CARM1: variants seen among roughly 807,000 people sequenced by gnomAD.
CARM1 encodes histone-arginine methyltransferase CARM1.
A neutral mutation model predicts 72.7 loss-of-function variants in CARM1; 14 were observed. That is an observed-to-expected ratio of 0.19 (90% CI 0.13 to 0.30). The LOEUF is 0.30. Among genes scored for constraint, CARM1 ranks in the 10% least tolerant of loss-of-function variants. The probability of loss-of-function intolerance (pLI) is 1.00; values close to 1 mark genes in which losing one functional copy is unlikely to be tolerated. For missense variants in CARM1, 432 were observed against 833.7 expected (o/e 0.52, Z 5.93); for synonymous variants, 333 against 345.5 (o/e 0.96, Z 0.40).
chr19:10,909,889 T>G (rs1385525853), intron 4 of CARM1, among the ~76,000 whole-genome samples: 2 of 152,228 alleles, frequency 1.3e-5, no homozygotes, highest in East Asian at 3.8e-4. Context: ...GGTCTCTTCT[T>G]CAAGATTTTT....
At chr19:10,895,009 T>C (rs1438412434) in intron 1 of CARM1, among the ~76,000 whole-genome samples, 2 of 152,054 alleles carry the variant, frequency 1.3e-5, no homozygotes, top group African/African-American at 4.8e-5. Flanking sequence ...CTTTCCAAAG[T>C]GTTAGGATTA....
At chr19:10,894,561 TACTCCCCCGCCCCAG>T (rs1294587700) in intron 1 of CARM1, among the ~76,000 whole-genome samples, 2 of 152,152 alleles carry the variant, frequency 1.3e-5, no homozygotes, top group Non-Finnish European at 2.9e-5. Context: ...AGCTACCAGC[TACTCCCCCGCCCCAG>T]GTTTGCCGAG....
chr19:10,922,570 C>G lies in CARM1; in HGVS notation c.*813C>G, dbSNP rs568019879. 10 of 150,762 alleles carry G rather than the reference C, an allele frequency of 6.6e-5. No individual in the cohort carries two copies. Among genetic ancestry groups the G allele is most frequent in the Admixed American group, 2.7e-4 (4 of 14,820 alleles). 9.3% of individuals were successfully genotyped at this position (150,762 alleles called of 1,614,324 possible). On this transcript the variant is annotated 3_prime_UTR_variant, in exon 16 of 16. Coordinates refer to ENST00000327064, the MANE Select transcript of CARM1 (RefSeq NM_199141.2). ...GGGCAGACACAGACACCTCAAGGAT[C>G]TGTCACGGAAGGCGTCCTTTTTCCT...
intron 1 of CARM1, among the ~76,000 whole-genome samples, chr19:10,876,420 G>A (rs1221292560): frequency 6.6e-6 from 1 of 152,206 alleles, no homozygotes; most frequent in Non-Finnish European, 1.5e-5. Context: ...TATGCTCCAG[G>A]GCTGCCCCGC....
At chr19:10,901,495 T>C in intron 1 of CARM1, among the ~76,000 whole-genome samples, 1 of 152,092 alleles carries the variant, frequency 6.6e-6, no homozygotes. Flanking sequence ...TTTGTTTATT[T>C]TTTTGTAGCG....
chr19:10,914,188 G>A (rs969602011), intron 6 of CARM1, 134 bp downstream of exon 6: 10 of 896,912 alleles, frequency 1.1e-5, no homozygotes, highest in African/African-American at 3.5e-5. Context: ...CTTTTCCCCC[G>A]CTCCCACCCC....
At chr19:10,874,677 C>CCACCG (rs2073849583) in intron 1 of CARM1, among the ~76,000 whole-genome samples, 2 of 152,178 alleles carry the variant, frequency 1.3e-5, no homozygotes, top group Admixed American at 1.3e-4. Flanking sequence ...CAGGCATGAG[C>CCACCG]CACCGCACCG....
chr19:10,918,262 C>T (rs1489303725), intron 8 of CARM1, among the ~76,000 whole-genome samples: 1 of 152,102 alleles, frequency 6.6e-6, no homozygotes, highest in Non-Finnish European at 1.5e-5. Context: ...ACTCTGTTCC[C>T]CAGGCTGGAG....
rs1255426246 is a variant in CARM1 at position 10,920,183 on chromosome 19, A to G, written c.1196+217A>G. On this transcript the variant is annotated intron_variant, in intron 10 of 15. Transcript: ENST00000327064. This position sits in a 1 kb window ranked among gnomAD's most constrained non-coding sequence, Gnocchi z 5.3. ...CCTGTGTTCCCAGTGTCTGTCCCTCATGGGTCTGTGTCTGTCTCTTGGCAC... is the reference window on the plus strand; with the variant it reads ...CCTGTGTTCCCAGTGTCTGTCCCTCGTGGGTCTGTGTCTGTCTCTTGGCAC... Among the ~76,000 whole-genome samples, 1 of 150,614 alleles carries G rather than the reference A, an allele frequency of 6.6e-6. No homozygotes were observed. The highest frequency in any genetic ancestry group is 1.5e-5 in the Non-Finnish European group (1 of 67,644).
intron 5 of CARM1, 63 bp from the exon 6 acceptor site, chr19:10,913,814 G>A (rs1435274569): frequency 3.9e-6 from 6 of 1,534,430 alleles, no homozygotes; most frequent in Non-Finnish European, 5.3e-6. Context: ...TTGAGAGCAG[G>A]TCTAGGGAGG....
chr19:10,914,841 C>T (rs1259190013), intron 6 of CARM1, among the ~76,000 whole-genome samples: 1 of 152,214 alleles, frequency 6.6e-6, no homozygotes, highest in Non-Finnish European at 1.5e-5. Context: ...TAGGCATGAG[C>T]CACTGTGCCT....
Position 10,920,957 on chromosome 19 carries a change from C to A in CARM1, c.1537+11C>A. 6.2e-7 allele frequency: 1 copy of A among 1,613,520 alleles called. No homozygotes were observed. Among genetic ancestry groups the A allele is most frequent in the South Asian group, 1.1e-5 (1 of 91,074 alleles). On this transcript the variant is annotated intron_variant, in intron 13 of 15. Coordinates refer to ENST00000327064, the MANE Select transcript of CARM1 (RefSeq NM_199141.2). This position sits in a 1 kb window ranked among gnomAD's most constrained non-coding sequence, Gnocchi z 5.3. Reference sequence around the variant, plus strand: ...GGATGGCCGTGGCAGGTGAGCAGGGCCCACCCCAATGCCCAGCCAACCCGG... The same window carrying A: ...GGATGGCCGTGGCAGGTGAGCAGGGACCACCCCAATGCCCAGCCAACCCGG...
intron 1 of CARM1, among the ~76,000 whole-genome samples, chr19:10,874,451 G>A (rs1247004279): frequency 1.3e-5 from 2 of 151,262 alleles, no homozygotes; most frequent in African/African-American, 2.4e-5. Flanking sequence ...GAGTGCAGTG[G>A]TACAGTCTCA....
intron 1 of CARM1, among the ~76,000 whole-genome samples, chr19:10,890,694 T>G (rs547014979): frequency 2.0e-5 from 3 of 146,592 alleles, no homozygotes; most frequent in African/African-American, 7.5e-5. Context: ...TATACACACA[T>G]ATATACACAC....
chr19:10,909,251 G>T, intron 4 of CARM1, 44 bp downstream of exon 4: 3 of 1,156,626 alleles, frequency 2.6e-6, no homozygotes, highest in African/African-American at 1.6e-5. Flanking sequence ...TTCTGTCTCG[G>T]TTTTTTTTTT....
chr19:10,892,604 C>T (rs1008115366), intron 1 of CARM1, among the ~76,000 whole-genome samples: 6 of 152,222 alleles, frequency 3.9e-5, no homozygotes, highest in African/African-American at 1.4e-4. Flanking sequence ...TGGCATTGAT[C>T]TGTTGCTGAT....
At chr19:10,910,172 G>A (rs150568918) in intron 4 of CARM1, among the ~76,000 whole-genome samples, 4 of 151,656 alleles carry the variant, frequency 2.6e-5, no homozygotes, top group African/African-American at 2.4e-5. Context: ...AGAGCAGAAC[G>A]TCTGTATTCA....
At position 10,920,986 on chromosome 19, in the gene CARM1, G is replaced by A; in HGVS notation, c.1537+40G>A. On this transcript the variant is annotated intron_variant, in intron 13 of 15. Transcript: ENST00000327064. The surrounding 1 kb of genome is among the most constrained non-coding windows in gnomAD (Gnocchi z 5.3). Reference sequence around the variant, plus strand: ...CCCCAATGCCCAGCCAACCCGGGAGGCCGCCCTCGCCGCAGGCCTGGCCCC... The same window carrying A: ...CCCCAATGCCCAGCCAACCCGGGAGACCGCCCTCGCCGCAGGCCTGGCCCC... 1.2e-6 allele frequency: 2 copies of A among 1,612,696 alleles called. No individual in the cohort carries two copies. Among genetic ancestry groups the A allele is most frequent in the South Asian group, 2.2e-5 (2 of 91,050 alleles).
At position 10,913,868 on chromosome 19, in the gene CARM1, C is replaced by T. The variant is rs545267583; in HGVS notation, c.670-9C>T. On this transcript the variant is annotated splice_polypyrimidine_tract_variant and intron_variant, in intron 5 of 15. Coordinates refer to ENST00000327064, the MANE Select transcript of CARM1 (RefSeq NM_199141.2). ...GCAGGGAAGCCCACATGGCCCTGCC[C>T]GCCTGCAGGTCTTGGTGAAGAGTAA... The T allele has an allele frequency of 6.0e-5, 96 of 1,609,906 alleles. No homozygotes were observed. Among genetic ancestry groups the T allele is most frequent in the Non-Finnish European group, 7.2e-5 (85 of 1,177,836 alleles).
Sources: allele counts gnomAD v4.1 joint callset (sites outside exome capture counted in the v4.1 genomes callset), GRCh38; gene constraint gnomAD v4.1.1; non-coding constraint Gnocchi (gnomAD v3.1); transcripts MANE v1.5; gene names NCBI Gene and HGNC (gene_info 2026-07-23, HGNC 2026-07-21).